NAA11: variants seen among roughly 807,000 people sequenced by gnomAD.
NAA11 encodes N-alpha-acetyltransferase 11.
In NAA11, 15 loss-of-function variants were observed where a neutral mutation model predicts 16.1. The observed-to-expected ratio is 0.93, with a 90% CI of 0.62 to 1.44. The LOEUF (loss-of-function observed/expected upper bound fraction) is 1.44. Ranked by LOEUF, NAA11 falls within the 40% of genes most tolerant of loss-of-function variation. The probability of loss-of-function intolerance (pLI) is 0.00; values close to 1 mark genes in which losing one functional copy is unlikely to be tolerated. For synonymous variants in NAA11, 122 were observed against 112.4 expected, an observed-to-expected ratio of 1.09 and a Z score of -0.54; for missense variants, 298 against 291.3, an observed-to-expected ratio of 1.02 and a Z score of -0.17.
the NAA11 span, among the ~76,000 whole-genome samples, chr4:79,173,753 T>C: frequency 6.6e-6 from 1 of 152,088 alleles, no homozygotes; most frequent in Admixed American, 6.6e-5. Context: ...TAATAAGGTA[T>C]GTTCCACGTT....
At chr4:79,314,707 T>A (rs1723877779), downstream of NAA11, among the ~76,000 whole-genome samples, 1 of 146,070 alleles carries the variant, frequency 6.8e-6, no homozygotes, top group African/African-American at 2.5e-5. Context: ...GTTGTCAGCA[T>A]GGAAAACAAT....
At chr4:79,283,421 C>CT (rs1172360989) in intron 2 of NAA11, among the ~76,000 whole-genome samples, 1 of 151,682 alleles carries the variant, frequency 6.6e-6, no homozygotes, top group African/African-American at 2.4e-5. Context: ...GAGACCTGGG[C>CT]TTTGATAAGA....
chr4:79,270,379 A>G (rs1341665884), intron 2 of NAA11, among the ~76,000 whole-genome samples: 2 of 151,622 alleles, frequency 1.3e-5, no homozygotes, highest in Non-Finnish European at 2.9e-5. Context: ...AATTGTGGCA[A>G]TAATCAATAG....
At chr4:79,178,337 A>T in the NAA11 span, among the ~76,000 whole-genome samples, 1 of 152,222 alleles carries the variant, frequency 6.6e-6, no homozygotes, top group Admixed American at 6.5e-5. Context: ...ATATTATGAT[A>T]CAGACGTTAA....
At chr4:79,172,362 AATTGT>A in the NAA11 span, among the ~76,000 whole-genome samples, 1 of 152,056 alleles carries the variant, frequency 6.6e-6, no homozygotes, top group Non-Finnish European at 1.5e-5. Context: ...TAAGACCCCC[AATTGT>A]ATTGTGAAAC....
At chr4:79,214,108 G>A in the NAA11 span, among the ~76,000 whole-genome samples, 1 of 152,176 alleles carries the variant, frequency 6.6e-6, no homozygotes, top group Admixed American at 6.5e-5. Context: ...GCCCCTCTAT[G>A]AGCCAGTTGC....
the NAA11 span, among the ~76,000 whole-genome samples, chr4:79,169,826 C>A: frequency 6.6e-6 from 1 of 152,188 alleles, no homozygotes. Context: ...CCAATCACTT[C>A]CCACCAGGCT....
the NAA11 span, among the ~76,000 whole-genome samples, chr4:79,210,714 G>A: frequency 2.2e-4 from 34 of 152,116 alleles, no homozygotes; most frequent in Non-Finnish European, 3.8e-4. Flanking sequence ...TAGCGGCAGC[G>A]TAAGATGGTG....
intron 2 of NAA11, among the ~76,000 whole-genome samples, chr4:79,282,659 A>C (rs111703286): frequency 6.6e-6 from 1 of 152,098 alleles, no homozygotes; most frequent in Non-Finnish European, 1.5e-5. Flanking sequence ...AGTTTTGCAA[A>C]TCTCAGAAGT....
chr4:79,321,186 G>C (rs973631505), intron 1 of NAA11, among the ~76,000 whole-genome samples: 1 of 152,304 alleles, frequency 6.6e-6, no homozygotes, highest in African/African-American at 2.4e-5. Flanking sequence ...GCCATGCCAT[G>C]GAGTGAGAGC....
chr4:79,166,320 GCA>G, the NAA11 span, among the ~76,000 whole-genome samples: 1 of 151,846 alleles, frequency 6.6e-6, no homozygotes, highest in African/African-American at 2.4e-5. Flanking sequence ...TTCTTACAGT[GCA>G]CAGTTTTATT....
chr4:79,220,338 C>T, the NAA11 span, among the ~76,000 whole-genome samples: 1 of 152,092 alleles, frequency 6.6e-6, no homozygotes, highest in Non-Finnish European at 1.5e-5. Flanking sequence ...AGTGATCCAC[C>T]CGCCTTGGCC....
At chr4:79,322,803 G>C (rs1724137033) in intron 1 of NAA11, among the ~76,000 whole-genome samples, 1 of 152,074 alleles carries the variant, frequency 6.6e-6, no homozygotes, top group South Asian at 2.1e-4. Flanking sequence ...TAGAAAAAAT[G>C]AATCAGTCAC....
the NAA11 span, chr4:79,211,581 G>A: frequency 6.6e-6 from 1 of 152,080 alleles, no homozygotes; most frequent in Non-Finnish European, 1.5e-5. Flanking sequence ...ATTGTGTTAT[G>A]CATGTCAGAG....
downstream of NAA11, among the ~76,000 whole-genome samples, chr4:79,315,453 CTTCA>C (rs551371617): frequency 2.1e-3 from 314 of 152,298 alleles, 1 homozygote; most frequent in Admixed American, 6.6e-3. Context: ...AACTCACAGG[CTTCA>C]TTCACAAGTT....
chr4:79,207,107 CTT>C, the NAA11 span, among the ~76,000 whole-genome samples: 1 of 151,676 alleles, frequency 6.6e-6, no homozygotes. Flanking sequence ...TTGGAGGAGT[CTT>C]TAGGATTTTT....
the NAA11 span, among the ~76,000 whole-genome samples, chr4:79,174,392 G>A: frequency 6.6e-6 from 1 of 152,086 alleles, no homozygotes; most frequent in East Asian, 1.9e-4. Flanking sequence ...TTAGTCATAT[G>A]TTCTCTGGGT....
In NAA11 at chr4:79,227,159, T is replaced by A. The variant is rs1365673290; in HGVS notation, c.*123-889A>T. Reference sequence around the variant, plus strand: ...GATGGTATCTCATTGTGGTTTTGATTTGCATTTCTCTGATGGCCAGTGATG... The same window carrying A: ...GATGGTATCTCATTGTGGTTTTGATATGCATTTCTCTGATGGCCAGTGATG... On this transcript the variant is annotated intron_variant and NMD_transcript_variant, in intron 2 of 2. Transcript: ENST00000511542. 4 of 152,112 alleles carry A rather than the reference T, an allele frequency of 2.6e-5. No homozygotes were observed. In the East Asian group the frequency reaches 7.7e-4, roughly 29 times the overall value. The allele number at this position is 152,112 out of a possible 1,614,324, so 9.4% of individuals were successfully genotyped here.
At chr4:79,320,364 C>A (rs1724055956) in intron 1 of NAA11, among the ~76,000 whole-genome samples, 1 of 152,072 alleles carries the variant, frequency 6.6e-6, no homozygotes, top group Non-Finnish European at 1.5e-5. Flanking sequence ...CTCTTACTAT[C>A]GATTATATTA....
Sources: allele counts gnomAD v4.1 joint callset (sites outside exome capture counted in the v4.1 genomes callset), GRCh38; gene constraint gnomAD v4.1.1; transcripts MANE v1.5; gene names NCBI Gene and HGNC (gene_info 2026-07-23, HGNC 2026-07-21).